Variants in ZNF385D observed in about 807,000 individuals in gnomAD.
The protein encoded by ZNF385D is zinc finger protein 659.
ZNF385D carries 15 observed loss-of-function variants against 35.8 expected under a neutral mutation model. That is an observed-to-expected ratio of 0.42 (90% CI 0.28 to 0.64). ZNF385D has a LOEUF of 0.64. Ranked by LOEUF, ZNF385D falls within the 30% of genes least tolerant of loss-of-function variation. The probability of loss-of-function intolerance (pLI) is 0.23; values close to 1 mark genes in which losing one functional copy is unlikely to be tolerated. For missense variants in ZNF385D, 474 were observed against 494.6 expected (o/e 0.96, Z 0.39); for synonymous variants, 212 against 186.8 (o/e 1.13, Z -1.10).
At chr3:22,034,193 G>C (rs753640496) in intron 3 of ZNF385D, among the ~76,000 whole-genome samples, 1 of 152,130 alleles carries the variant, frequency 6.6e-6, no homozygotes, top group Non-Finnish European at 1.5e-5. Context: ...TGGGAGATTA[G>C]AATTAGATGA....
intron 3 of ZNF385D, among the ~76,000 whole-genome samples, chr3:21,970,735 T>C (rs1156818562): frequency 1.3e-5 from 2 of 152,018 alleles, no homozygotes; most frequent in East Asian, 3.9e-4. Flanking sequence ...CAAGAAGATT[T>C]AACCCAAGGA....
chr3:21,716,754 T>TA (rs1440054968), intron 1 of ZNF385D, among the ~76,000 whole-genome samples: 1 of 152,200 alleles, frequency 6.6e-6, no homozygotes, highest in Non-Finnish European at 1.5e-5. Context: ...CACTAAAATG[T>TA]AAGTTCTATC....
upstream of ZNF385D, among the ~76,000 whole-genome samples, chr3:21,754,164 TA>T (rs1256210773): frequency 1.3e-5 from 2 of 152,184 alleles, no homozygotes; most frequent in South Asian, 4.1e-4. Context: ...TTCAACATAT[TA>T]TTTTTTTTAA....
chr3:22,084,590 C>T (rs1406084831), intron 3 of ZNF385D, among the ~76,000 whole-genome samples: 2 of 152,070 alleles, frequency 1.3e-5, no homozygotes, highest in Non-Finnish European at 1.5e-5. Context: ...AAGTCCCTAG[C>T]AACCTACAAA....
chr3:21,701,932 A>G (rs1043144113), intron 1 of ZNF385D, among the ~76,000 whole-genome samples: 2 of 152,144 alleles, frequency 1.3e-5, no homozygotes, highest in African/African-American at 4.8e-5. Context: ...TTTCCAGGGT[A>G]TAGCCCCCAT....
intron 5 of ZNF385D, among the ~76,000 whole-genome samples, chr3:21,433,089 A>G (rs1171540488): frequency 6.6e-6 from 1 of 152,156 alleles, no homozygotes; most frequent in Admixed American, 6.6e-5. Context: ...AGAGAGGACA[A>G]CTGACTTGCC....
At chr3:21,762,603 C>A (rs999647005) in intron 3 of ZNF385D, among the ~76,000 whole-genome samples, 1 of 151,994 alleles carries the variant, frequency 6.6e-6, no homozygotes, top group Non-Finnish European at 1.5e-5. Flanking sequence ...TATTTTATTG[C>A]CACTTATCAT....
chr3:21,867,513 A>G (rs1183921474), intron 3 of ZNF385D, among the ~76,000 whole-genome samples: 2 of 152,138 alleles, frequency 1.3e-5, no homozygotes, highest in Non-Finnish European at 2.9e-5. Context: ...GAGTGCAGTA[A>G]TCATGAAAAT....
intron 3 of ZNF385D, among the ~76,000 whole-genome samples, chr3:21,868,661 C>G (rs888368378): frequency 2.6e-5 from 4 of 152,058 alleles, no homozygotes; most frequent in African/African-American, 9.7e-5. Flanking sequence ...CCATTGGACA[C>G]AGTGGAGAGT....
At chr3:21,928,416 A>G (rs573617043) in intron 3 of ZNF385D, among the ~76,000 whole-genome samples, 1 of 151,662 alleles carries the variant, frequency 6.6e-6, no homozygotes, top group African/African-American at 2.4e-5. Flanking sequence ...GAAGAAAGGG[A>G]TGCAGGGAGG....
intron 1 of ZNF385D, among the ~76,000 whole-genome samples, chr3:21,739,045 G>A (rs763784787): frequency 5.3e-5 from 8 of 152,186 alleles, no homozygotes; most frequent in Non-Finnish European, 1.0e-4. Context: ...ATATCTAGCC[G>A]ACTAAATGCT....
In ZNF385D at chr3:22,089,941, C is replaced by T. The variant is rs545809150; in HGVS notation, c.325+78876G>A. On this transcript the variant is annotated intron_variant, in intron 3 of 5. Coordinates refer to the ZNF385D transcript ENST00000494108. ...GAAACCTCTGCCTCCTGGGTTCAAG[C>T]GATTCCCCTGCCTCAGCCTCTCGAG... Among the ~76,000 whole-genome samples, 29 of 152,188 alleles carry T rather than the reference C, an allele frequency of 1.9e-4. No homozygotes were observed. The East Asian group carries it at 4.8e-3, about 25-fold the overall frequency.
chr3:21,896,666 T>C lies in ZNF385D; in HGVS notation c.326-231638A>G, dbSNP rs144899529. ...TTTAGAGCCAGAAATTACAGTATTA[T>C]TTTTCTGATGCAATGATGCATGGAT... On this transcript the variant is annotated intron_variant, in intron 3 of 5. Transcript: ENST00000494108. Among the ~76,000 whole-genome samples the C allele has an allele frequency of 3.3e-3, 500 of 152,272 alleles. 5 individuals are homozygous for C. Among genetic ancestry groups the C allele is most frequent in the African/African-American group, 0.011 (473 of 41,564 alleles).
chr3:22,017,423 T>G (rs1484131490), intron 3 of ZNF385D, among the ~76,000 whole-genome samples: 3 of 152,092 alleles, frequency 2.0e-5, no homozygotes, highest in Non-Finnish European at 4.4e-5. Flanking sequence ...GTGTTGTCTT[T>G]CAGCTGTATC....
chr3:21,485,936 T>G, intron 4 of ZNF385D, among the ~76,000 whole-genome samples: 1 of 151,384 alleles, frequency 6.6e-6, no homozygotes, highest in East Asian at 2.0e-4. Flanking sequence ...CCACCCCTTT[T>G]GCCTGTACTT....
chr3:21,595,552 G>T (rs1248361543), intron 2 of ZNF385D, among the ~76,000 whole-genome samples: 4 of 151,376 alleles, frequency 2.6e-5, no homozygotes, highest in African/African-American at 7.3e-5. Flanking sequence ...TAGGAAAACA[G>T]TATACCTACT....
At chr3:21,435,255 ATTT>A (rs3064965) in intron 5 of ZNF385D, among the ~76,000 whole-genome samples, 137 of 113,398 alleles carry the variant, frequency 1.2e-3, no homozygotes, top group African/African-American at 4.5e-3. Flanking sequence ...ACAACTCCCA[ATTT>A]TTTTTTTTTT....
chr3:21,626,175 A>T (rs185635983), intron 2 of ZNF385D, among the ~76,000 whole-genome samples: 38 of 152,206 alleles, frequency 2.5e-4, no homozygotes, highest in Admixed American at 2.4e-3. Flanking sequence ...TCTGAAATTT[A>T]TATCTACTGG....
At chr3:22,258,210 T>C (rs73821342) in intron 2 of ZNF385D, among the ~76,000 whole-genome samples, 7,856 of 151,904 alleles carry the variant, frequency 0.052, 231 homozygotes, top group African/African-American at 0.063. Flanking sequence ...GTAATTTGTT[T>C]TGCAAGGACT....
Sources: gnomAD v4.1 joint callset for allele counts (sites outside exome capture counted in the v4.1 genomes callset) on GRCh38, gnomAD v4.1.1 for gene constraint, MANE v1.5 for transcripts, NCBI Gene and HGNC (gene_info 2026-07-23, HGNC 2026-07-21) for gene names.